Variants in ANKRD2 observed in about 807,000 individuals in gnomAD.
ANKRD2 encodes the protein ankyrin repeat domain-containing protein 2.
A neutral mutation model predicts 37.3 loss-of-function variants in ANKRD2; 35 were observed. The ratio of observed to expected loss-of-function variants is 0.94; its 90% confidence interval spans 0.72 to 1.24. ANKRD2 has a LOEUF of 1.24. ANKRD2 is among the 50% of genes most tolerant of loss of function. ANKRD2 has a pLI of 0.00. For missense variants in ANKRD2, 410 were observed against 445.6 expected (o/e 0.92, Z 0.72); for synonymous variants, 159 against 186.5 (o/e 0.85, Z 1.20).
chr10:97,582,526 G>A, intron 7 of ANKRD2, 78 bp from the exon 8 acceptor site: 1 of 1,571,266 alleles, frequency 6.4e-7, no homozygotes, highest in Non-Finnish European at 8.7e-7. Flanking sequence ...CCTGAGCAGG[G>A]TCTCCAGCCC....
Position 97,582,674 on chromosome 10 carries a change from A to G in ANKRD2, c.824A>G (p.His275Arg). 1.2e-6 allele frequency: 2 copies of G among 1,614,184 alleles called. No homozygotes were observed. The highest frequency in any genetic ancestry group is 1.1e-5 in the South Asian group (1 of 91,086). Residue 275 changes from histidine to arginine, a missense_variant, in exon 8 of 9, where the codon CAT becomes CGT. Transcript: ENST00000370655. ...AAAATCATCAAACTGCTGCTCCTGCATGGGGCTGACATGATGACCAAGAAC... is the reference window on the plus strand; with the variant it reads ...AAAATCATCAAACTGCTGCTCCTGCGTGGGGCTGACATGATGACCAAGAAC... ...RYKIIKLLLLHGADMMTKNLA... is the reference protein window; with the variant it reads ...RYKIIKLLLLRGADMMTKNLA...
Position 97,583,846 on chromosome 10 carries a change from T to C in ANKRD2, c.*121T>C, listed in dbSNP as rs2040938297. 1 of 1,049,910 alleles carries C rather than the reference T, an allele frequency of 9.5e-7. No individual in the cohort carries two copies. Among genetic ancestry groups the C allele is most frequent in the Non-Finnish European group, 1.3e-6 (1 of 792,238 alleles). 65.0% of individuals were successfully genotyped at this position (1,049,910 alleles called of 1,614,324 possible). On this transcript the variant is annotated 3_prime_UTR_variant, in exon 9 of 9. Transcript: ENST00000370655. ...TTTTTCTGCATGATCCAGGAGCACA[T>C]ACCACAAACTACCACAATAAAAAAG...
At chr10:97,580,264 G>C (rs1329468467) in intron 4 of ANKRD2, among the ~76,000 whole-genome samples, 1 of 152,236 alleles carries the variant, frequency 6.6e-6, no homozygotes, top group African/African-American at 2.4e-5. Flanking sequence ...GATACTCACT[G>C]TGTGTGTCCT....
At chr10:97,580,782 G>A (rs1207637981) in intron 4 of ANKRD2, 73 bp from the exon 5 acceptor site, 6 of 1,142,438 alleles carry the variant, frequency 5.3e-6, no homozygotes, top group East Asian at 5.0e-5. Flanking sequence ...GAAGGCCTGG[G>A]CCTCAGCTTG....
intron 1 of ANKRD2, among the ~76,000 whole-genome samples, chr10:97,574,815 C>T (rs545562467): frequency 1.3e-5 from 2 of 151,868 alleles, no homozygotes; most frequent in African/African-American, 4.9e-5. Flanking sequence ...AATCCCACTT[C>T]TCCCTCCCCC....
intron 1 of ANKRD2, 45 bp from the exon 2 acceptor site, chr10:97,577,755 C>T (rs946196689): frequency 4.7e-6 from 7 of 1,474,672 alleles, no homozygotes; most frequent in Non-Finnish European, 6.4e-6. Context: ...GAGAGGCTGC[C>T]TGTCTCCTCG....
chr10:97,578,661 G>C lies in ANKRD2; in HGVS notation c.456+56G>C, dbSNP rs1179852823. The C allele has an allele frequency of 1.9e-5, 26 of 1,361,432 alleles. No homozygotes were observed. In the South Asian group the frequency reaches 3.2e-4, roughly 17 times the overall value. 84.3% of individuals were successfully genotyped at this position (1,361,432 alleles called of 1,614,324 possible). A position where few individuals can be genotyped will look rare whatever the true frequency, so the allele number is the denominator to read the frequency against. On this transcript the variant is annotated intron_variant, in intron 4 of 8. Transcript: ENST00000370655. ...CCCTGTCAGTTGCCACCCCCACTCC[G>C]TTCGGCTCCTGGGTCAGCCCACTGT...
rs746568045 is a variant in ANKRD2, at chr10:97,578,240, G to A, written c.190G>A (p.Gly64Ser). Reference protein sequence around the residue: ...AQSAALQKVKGQERVRKTSLD... With the variant: ...AQSAALQKVKSQERVRKTSLD... The stretch of plus-strand genomic sequence containing the variant: ...GGGGTTGATGGGCCATCCCGCGCAG[G>A]GCCAAGAGCGCGTGCGCAAGACGTC... The change falls in exon 3 of 9, where the codon GGC (glycine) becomes AGC (serine). Residue 64 changes from glycine (G) to serine (S), a missense_variant and splice_region_variant. Physicochemically the swap from Gly to Ser is moderately conservative, Grantham distance 56 (BLOSUM62 0). Transcript: ENST00000370655. 5 of 1,598,138 alleles carry A rather than the reference G, an allele frequency of 3.1e-6. No homozygotes were observed. Among genetic ancestry groups the A allele is most frequent in the Non-Finnish European group, 4.3e-6 (5 of 1,171,216 alleles).
intron 7 of ANKRD2, 84 bp downstream of exon 7, chr10:97,582,497 G>C: frequency 6.4e-7 from 1 of 1,564,394 alleles, no homozygotes; most frequent in African/African-American, 1.4e-5. Context: ...CTTCCTCCTG[G>C]GGCCTTCAGG....
At chr10:97,572,562 A>AC (rs1206961902), upstream of ANKRD2, 2 of 1,016,828 alleles carry the variant, frequency 2.0e-6, no homozygotes, top group African/African-American at 3.2e-5. Context: ...TGCTCTTGGG[A>AC]CACAGTGCCC....
At chr10:97,573,940 G>A (rs1238003485) in intron 1 of ANKRD2, among the ~76,000 whole-genome samples, 1 of 152,168 alleles carries the variant, frequency 6.6e-6, no homozygotes, top group Non-Finnish European at 1.5e-5. Context: ...CAGAAGTGGA[G>A]GAACACAAGG....
At chr10:97,578,144 G>GGGCCA in intron 2 of ANKRD2, 96 bp from the exon 3 acceptor site, 1 of 685,446 alleles carries the variant, frequency 1.5e-6, no homozygotes, top group Non-Finnish European at 2.5e-6. Context: ...GGGTCTTCCT[G>GGGCCA]CCCACCCCAC....
chr10:97,577,946 G>C (rs1204935702), intron 2 of ANKRD2, 45 bp downstream of exon 2: 1 of 1,513,170 alleles, frequency 6.6e-7, no homozygotes, highest in Non-Finnish European at 8.9e-7. Flanking sequence ...GGACCAGCCA[G>C]GTAGCCATGG....
At chr10:97,577,697 G>A in intron 1 of ANKRD2, 103 bp from the exon 2 acceptor site, 1 of 955,774 alleles carries the variant, frequency 1.0e-6, no homozygotes. Flanking sequence ...AGGGCTCTGA[G>A]ACCACCCAGG....
chr10:97,579,580 C>CT (rs903800670), intron 4 of ANKRD2, among the ~76,000 whole-genome samples: 25 of 150,286 alleles, frequency 1.7e-4, no homozygotes, highest in African/African-American at 4.7e-4. Context: ...GCCATATTTT[C>CT]TTTTTTTTTC....
rs191195271 is a variant in ANKRD2 at position 97,575,892 on chromosome 10, C to T, written c.88-1908C>T. Among the ~76,000 whole-genome samples, 28 of 147,118 alleles carry T rather than the reference C, an allele frequency of 1.9e-4. No individual in the cohort carries two copies. In the East Asian group the frequency reaches 4.4e-3, roughly 23 times the overall value. On this transcript the variant is annotated intron_variant, in intron 1 of 8. Transcript: ENST00000370655. ...CACCACCGCACTCCAGCCTGGGTGA[C>T]AGAGTGGGACTCGGTCTCAAAAAAA...
chr10:97,578,224 G>C lies in ANKRD2; in HGVS notation c.190-16G>C. 4.3e-6 allele frequency: 6 copies of C among 1,401,482 alleles called. No homozygotes were observed. The highest frequency in any genetic ancestry group is 1.5e-5 in the African/African-American group (1 of 67,932). 86.8% of individuals were successfully genotyped at this position (1,401,482 alleles called of 1,614,324 possible). ...TCTCTGCCCGGCCTGGGGGGTTGAT[G>C]GGCCATCCCGCGCAGGGCCAAGAGC... On this transcript the variant is annotated splice_polypyrimidine_tract_variant and intron_variant, in intron 2 of 8. Transcript: ENST00000370655.
chr10:97,579,805 C>A (rs934509660), intron 4 of ANKRD2, among the ~76,000 whole-genome samples: 11 of 152,128 alleles, frequency 7.2e-5, no homozygotes, highest in Admixed American at 1.3e-4. Flanking sequence ...CCCTTGACAA[C>A]AAGCTGGTCT....
At position 97,581,369 on chromosome 10, in the gene ANKRD2, G is replaced by A. The variant is rs779636010; in HGVS notation, c.609G>A (p.Val203=). ...WACRGGHLEV[V]KLLQSHGADT... is the part of the protein sequence containing the mutation. ...GCCGCGGGGGCCACTTAGAGGTGGTGAAACTTCTGCAAAGCCATGGAGCAG... is the reference window on the plus strand; with the variant it reads ...GCCGCGGGGGCCACTTAGAGGTGGTAAAACTTCTGCAAAGCCATGGAGCAG... Residue 203 remains valine (V), a synonymous_variant, in exon 6 of 9, where the codon GTG becomes GTA. Transcript: ENST00000370655. 6.2e-7 allele frequency: 1 copy of A among 1,614,174 alleles called. No homozygotes were observed. Among genetic ancestry groups the A allele is most frequent in the Non-Finnish European group, 8.5e-7 (1 of 1,180,016 alleles).
Sources: allele counts gnomAD v4.1 joint callset (sites outside exome capture counted in the v4.1 genomes callset), GRCh38; gene constraint gnomAD v4.1.1; transcripts MANE v1.5; gene names NCBI Gene and HGNC (gene_info 2026-07-23, HGNC 2026-07-21).